The following SZT2 variants were observed in gnomAD, a reference collection of about 807,000 sequenced individuals.
The protein encoded by SZT2 is SZT2 subunit of KICSTOR complex, also known as KICSTOR complex protein SZT2.
In SZT2, 216 loss-of-function variants were observed where a neutral mutation model predicts 404.2. The ratio of observed to expected loss-of-function variants is 0.53; its 90% CI spans 0.48 to 0.60. SZT2 has a LOEUF of 0.60. Ranked by LOEUF, SZT2 falls within the 20% of genes least tolerant of loss-of-function variation. The probability of loss-of-function intolerance (pLI) is 0.00; values close to 1 mark genes in which losing one functional copy is unlikely to be tolerated. For missense variants in SZT2, 3,857 were observed against 4,459.2 expected (o/e 0.86, Z 3.85); for synonymous variants, 1,693 against 1,749.9 (o/e 0.97, Z 0.81).
chr1:43,446,760 T>TA, intron 65 of SZT2, 195 bp from the exon 66 acceptor site: 2 of 640,208 alleles, frequency 3.1e-6, no homozygotes, highest in African/African-American at 3.7e-5. Context: ...TTCATGGAGA[T>TA]AGTTACAATA....
rs1272602959 is a variant in SZT2, at chr1:43,450,914, C to T, written c.*434C>T. 1 of 747,594 alleles carries T rather than the reference C, an allele frequency of 1.3e-6. No homozygotes were observed. Among genetic ancestry groups the T allele is most frequent in the Non-Finnish European group, 2.5e-6 (1 of 407,144 alleles). The allele number at this position is 747,594 out of a possible 1,614,324, so 46.3% of individuals were successfully genotyped here. A position where few individuals can be genotyped will look rare whatever the true frequency, so the allele number is the denominator to read the frequency against. On this transcript the variant is annotated 3_prime_UTR_variant, in exon 72 of 72. Transcript: ENST00000634258. The surrounding 1 kb of genome is among the most constrained non-coding windows in gnomAD (Gnocchi z 4.3). ...TTCCCACTTGGACATCACTGCTGGA[C>T]ATTCCCATCGAGATGACACCTGGGT...
Position 43,421,279 on chromosome 1 carries a change from C to T in SZT2, c.1602C>T (p.Tyr534=), listed in dbSNP as rs1165899462. ...CCAAGAGCGGAGTGCCACTCTTCTA[C>T]ATCCCTCCAGGCTCCACCACCCCGG... ...DSTKSGVPLF[Y]IPPGSTTPVL... The change falls in exon 11 of 72, where the codon TAC becomes TAT. Residue 534 remains tyrosine, a synonymous_variant. Coordinates refer to ENST00000634258, the MANE Select transcript of SZT2 (RefSeq NM_001365999.1). 10 of 1,598,470 alleles carry T rather than the reference C, an allele frequency of 6.3e-6. No homozygotes were observed. The highest frequency in any genetic ancestry group is 2.7e-5 in the African/African-American group (2 of 74,946).
chr1:43,396,170 G>A (rs1648971346), intron 1 of SZT2, among the ~76,000 whole-genome samples: 1 of 152,194 alleles, frequency 6.6e-6, no homozygotes. Context: ...CACATTTTAA[G>A]TTGTAAAGTA....
chr1:43,440,821 A>C (rs531193840), intron 52 of SZT2, among the ~76,000 whole-genome samples: 1 of 152,332 alleles, frequency 6.6e-6, no homozygotes, highest in East Asian at 1.9e-4. Flanking sequence ...CGTTGTGATC[A>C]TGCCTGTTAA....
At chr1:43,395,637 G>A (rs190133977) in intron 1 of SZT2, among the ~76,000 whole-genome samples, 8 of 152,182 alleles carry the variant, frequency 5.3e-5, no homozygotes, top group African/African-American at 1.7e-4. Flanking sequence ...CTTATCCTTC[G>A]GAGCACTTAC....
At chr1:43,435,110 C>T (rs1370506295) in intron 41 of SZT2, 90 bp from the exon 42 acceptor site, 6 of 1,467,940 alleles carry the variant, frequency 4.1e-6, no homozygotes, top group East Asian at 2.3e-5. Context: ...TGATAGTGGT[C>T]ATTCTCTCTG....
intron 1 of SZT2, 127 bp downstream of exon 1, chr1:43,390,122 C>A: frequency 8.6e-7 from 1 of 1,164,852 alleles, no homozygotes; most frequent in Non-Finnish European, 1.1e-6. Flanking sequence ...AGGGACCAGC[C>A]CAGCCCGGAA....
Position 43,428,280 on chromosome 1 carries a change from C to T in SZT2, c.3960C>T (p.Ser1320=). The change falls in exon 28 of 72, where the codon TCC becomes TCT. Residue 1320 remains serine (S), a synonymous_variant. Coordinates refer to ENST00000634258, the MANE Select transcript of SZT2 (RefSeq NM_001365999.1). ...TGCAGCAAGCACAGAGTGTGACCTC[C>T]CAGGATTTGCTGACAGCGGTAGATG... The part of the protein sequence containing the change: ...RSLQQAQSVT[S]QDLLTAVDAC... 3 of 1,614,160 alleles carry T rather than the reference C, an allele frequency of 1.9e-6. No homozygotes were observed. The highest frequency in any genetic ancestry group is 2.5e-6 in the Non-Finnish European group (3 of 1,180,010).
At chr1:43,429,296 G>T (rs1040785758) in intron 28 of SZT2, 5 of 177,810 alleles carry the variant, frequency 2.8e-5, no homozygotes, top group Non-Finnish European at 4.9e-5. Flanking sequence ...ACTTTGGGAG[G>T]CTGAGGCGGG....
chr1:43,448,092 G>C lies in SZT2; in HGVS notation c.9577G>C (p.Val3193Leu), dbSNP rs779432358. 3 of 1,596,476 alleles carry C rather than the reference G, an allele frequency of 1.9e-6. No individual in the cohort carries two copies. Among genetic ancestry groups the C allele is most frequent in the Admixed American group, 3.4e-5 (2 of 59,298 alleles). The change falls in exon 69 of 72, where the codon GTG becomes CTG. Residue 3193 changes from valine to leucine, a missense_variant. Physicochemically the swap from Val to Leu is conservative, Grantham distance 32 (BLOSUM62 1). Coordinates refer to ENST00000634258, the MANE Select transcript of SZT2 (RefSeq NM_001365999.1). The surrounding 1 kb of genome is among the most constrained non-coding windows in gnomAD (Gnocchi z 4.2). The part of the protein sequence containing the change: ...ERHVLRLQFF[V>L]VLTSQRELFP... ...TCCCCACCCCAGGCTACAGTTCTTC[G>C]TGGTGCTCACCAGCCAGCGAGAGCT...
intron 13 of SZT2, 23 bp downstream of exon 13, chr1:43,422,655 A>ACCCCCCCCCCTCCCC: frequency 9.1e-7 from 1 of 1,095,026 alleles, no homozygotes; most frequent in South Asian, 1.5e-5. Context: ...ATGTCCCTTC[A>ACCCCCCCCCCTCCCC]CCCCCCGCCC....
chr1:43,453,849 G>A lies in SZT2; in HGVS notation c.*3369G>A. 8.1e-7 allele frequency: 1 copy of A among 1,231,250 alleles called. No homozygotes were observed. The highest frequency in any genetic ancestry group is 1.6e-5 in the African/African-American group (1 of 63,536). 76.3% of individuals were successfully genotyped at this position (1,231,250 alleles called of 1,614,324 possible). On this transcript the variant is annotated 3_prime_UTR_variant, in exon 72 of 72. Coordinates refer to ENST00000634258, the MANE Select transcript of SZT2 (RefSeq NM_001365999.1). ...CGGGATCCAAAGGCGGCGGGCGGCGGGCGGCGGGCGGCGGGCGGGGGCGGG... is the reference window on the plus strand; with the variant it reads ...CGGGATCCAAAGGCGGCGGGCGGCGAGCGGCGGGCGGCGGGCGGGGGCGGG...
At position 43,428,312 on chromosome 1, in the gene SZT2, A is replaced by G; in HGVS notation, c.3992A>G (p.Glu1331Gly). The G allele has an allele frequency of 6.2e-7, 1 of 1,614,154 alleles. No homozygotes were observed. Among genetic ancestry groups the G allele is most frequent in the Non-Finnish European group, 8.5e-7 (1 of 1,180,016 alleles). ...QDLLTAVDAC[E>G]ELLQEIDITP... ...TTGCTGACAGCGGTAGATGCCTGTG[A>G]GGAGCTACTACAAGAAATAGACATC... The change falls in exon 28 of 72, where the codon GAG (glutamate) becomes GGG (glycine). Residue 1331 changes from glutamate (E) to glycine (G), a missense_variant. By Grantham distance (98) the Glu-to-Gly change is moderately conservative. This residue lies in a region of SZT2 where 1,725 missense variants were observed against 1,881.0 expected (regional missense o/e 0.92). Transcript: ENST00000634258.
Position 43,426,768 on chromosome 1 carries a change from G to C in SZT2, c.3268G>C (p.Gly1090Arg). Residue 1090 changes from glycine to arginine, a missense_variant, in exon 23 of 72, where the codon GGC becomes CGC. Around this residue, in one of 7 missense-constraint regions of SZT2, gnomAD observed 1,725 missense variants for 1,881.0 expected, o/e 0.92. Coordinates refer to ENST00000634258, the MANE Select transcript of SZT2 (RefSeq NM_001365999.1). This position sits in a 1 kb window ranked among gnomAD's most constrained non-coding sequence, Gnocchi z 4.9. ...TGGGATCCCGAAGGAGCAAGCAGTCGGCAGCACCCAGGCCACAGGAGACTC... is the reference window on the plus strand; with the variant it reads ...TGGGATCCCGAAGGAGCAAGCAGTCCGCAGCACCCAGGCCACAGGAGACTC... ...VHGIPKEQAV[G>R]STQATGDSAF... 6.2e-7 allele frequency: 1 copy of C among 1,613,770 alleles called. No individual in the cohort carries two copies. The highest frequency in any genetic ancestry group is 8.5e-7 in the Non-Finnish European group (1 of 1,179,880).
At position 43,435,188 on chromosome 1, in the gene SZT2, T is replaced by C. The variant is rs1242737967; in HGVS notation, c.5905-12T>C. On this transcript the variant is annotated splice_polypyrimidine_tract_variant and intron_variant, in intron 41 of 71. Transcript: ENST00000634258. ...GTATTTCAGTTCCCTGACCTCATGC[T>C]CCTTCTCCCAGCGACTGCTTCTTCA... is the stretch of plus-strand genomic sequence containing the variant. 1 of 1,613,836 alleles carries C rather than the reference T, an allele frequency of 6.2e-7. No individual in the cohort carries two copies. Among genetic ancestry groups the C allele is most frequent in the South Asian group, 1.1e-5 (1 of 91,084 alleles).
In SZT2 at chr1:43,427,579, AC is replaced by A; in HGVS notation, c.3649del (p.Gln1217ArgfsTer33). The A allele has an allele frequency of 1.9e-6, 3 of 1,614,242 alleles. No individual in the cohort carries two copies. The highest frequency in any genetic ancestry group is 2.5e-6 in the Non-Finnish European group (3 of 1,180,042). ...TAAGTCCACCATTCCGTCGAGACTTACAGGCTTACGCTGGGCGTCAGGCTTC... is the reference window on the plus strand; with the variant it reads ...TAAGTCCACCATTCCGTCGAGACTTAAGGCTTACGCTGGGCGTCAGGCTTC... ...ELSPPFRRDL[Q>X]AYAGRQASQT... is the part of the protein sequence containing the mutation. On this transcript the variant is annotated frameshift_variant, in exon 26 of 72. Coordinates refer to ENST00000634258, the MANE Select transcript of SZT2 (RefSeq NM_001365999.1). LOFTEE classifies it high-confidence loss of function.
At position 43,429,821 on chromosome 1, in the gene SZT2, G is replaced by C. The variant is rs374449020; in HGVS notation, c.4285G>C (p.Gly1429Arg). Reference protein sequence around the residue: ...DVCQLRGEAHGALHSVIQEKF... With the variant: ...DVCQLRGEAHRALHSVIQEKF... ...CTGCCAGCTCAGAGGAGAGGCCCAT[G>C]GTGCCCTTCATAGCGTCATCCAGGT... The change falls in exon 29 of 72, where the codon GGT becomes CGT. Residue 1429 changes from glycine to arginine, a missense_variant. Coordinates refer to ENST00000634258, the MANE Select transcript of SZT2 (RefSeq NM_001365999.1). The C allele has an allele frequency of 6.2e-7, 1 of 1,614,076 alleles. No homozygotes were observed. The highest frequency in any genetic ancestry group is 8.5e-7 in the Non-Finnish European group (1 of 1,180,046).
At position 43,420,632 on chromosome 1, in the gene SZT2, C is replaced by A; in HGVS notation, c.1262-117C>A. 1 of 1,059,276 alleles carries A rather than the reference C, an allele frequency of 9.4e-7. No individual in the cohort carries two copies. The allele number at this position is 1,059,276 out of a possible 1,614,324, so 65.6% of individuals were successfully genotyped here. ...TGGGCCTGAAACCTGTGGAACCATGCTTGGAACCTTTGGCAGGACTGGGTT... is the reference window on the plus strand; with the variant it reads ...TGGGCCTGAAACCTGTGGAACCATGATTGGAACCTTTGGCAGGACTGGGTT... On this transcript the variant is annotated intron_variant, in intron 9 of 71. Coordinates refer to ENST00000634258, the MANE Select transcript of SZT2 (RefSeq NM_001365999.1). This position sits in a 1 kb window ranked among gnomAD's most constrained non-coding sequence, Gnocchi z 5.1.
chr1:43,433,556 C>T (rs1440193874), intron 40 of SZT2, among the ~76,000 whole-genome samples: 3 of 152,124 alleles, frequency 2.0e-5, no homozygotes, highest in Non-Finnish European at 2.9e-5. Flanking sequence ...CCGAGGCAGG[C>T]GGATCACTTG....
Sources: allele counts gnomAD v4.1 joint callset (sites outside exome capture counted in the v4.1 genomes callset), GRCh38; gene constraint gnomAD v4.1.1; regional missense constraint gnomAD v4.1.1; non-coding constraint Gnocchi (gnomAD v3.1); transcripts MANE v1.5; gene names NCBI Gene and HGNC (gene_info 2026-07-23, HGNC 2026-07-21).